The following STYX variants were observed in gnomAD, a reference collection of about 807,000 sequenced individuals.
STYX encodes the protein serine/threonine/tyrosine interacting protein.
STYX carries 20 observed loss-of-function variants against 42.7 expected under a neutral mutation model. The observed-to-expected ratio is 0.47, with a 90% CI of 0.33 to 0.68. The LOEUF is 0.68. STYX is among the 30% of genes least tolerant of loss of function. The pLI is 0.02. For synonymous variants in STYX, 78 were observed against 81.9 expected, an observed-to-expected ratio of 0.95 and a Z score of 0.26; for missense variants, 226 against 268.5, an observed-to-expected ratio of 0.84 and a Z score of 1.11.
chr14:52,751,254 A>G (rs915889005), intron 4 of STYX, among the ~76,000 whole-genome samples: 1 of 152,092 alleles, frequency 6.6e-6, no homozygotes, highest in East Asian at 1.9e-4. Flanking sequence ...TTATATCGGT[A>G]TGTATATCAA....
Position 52,771,870 on chromosome 14 carries a change from G to A in STYX, c.*764G>A, listed in dbSNP as rs768422792. The A allele has an allele frequency of 2.6e-5, 4 of 152,510 alleles. No homozygotes were observed. The highest frequency in any genetic ancestry group is 4.8e-5 in the African/African-American group (2 of 41,456). 9.4% of individuals were successfully genotyped at this position (152,510 alleles called of 1,614,324 possible). ...CCAAGTGCTTAAACACAAGGATAGT[G>A]TTAGATTTTCGAGTGACTTTCCTTT... On this transcript the variant is annotated 3_prime_UTR_variant, in exon 11 of 11. Coordinates refer to ENST00000354586, the MANE Select transcript of STYX (RefSeq NM_145251.4).
intron 1 of STYX, among the ~76,000 whole-genome samples, chr14:52,734,779 C>T (rs1266675223): frequency 6.6e-6 from 1 of 152,032 alleles, no homozygotes; most frequent in East Asian, 1.9e-4. Context: ...TAATTAAATC[C>T]GGCCGGGCGT....
At chr14:52,748,990 A>C (rs1303238337) in intron 3 of STYX, among the ~76,000 whole-genome samples, 1 of 152,258 alleles carries the variant, frequency 6.6e-6, no homozygotes, top group Non-Finnish European at 1.5e-5. Context: ...AGAAATTAAC[A>C]CTTAAAACTT....
At chr14:52,756,335 T>C (rs1881865578) in intron 4 of STYX, among the ~76,000 whole-genome samples, 1 of 152,184 alleles carries the variant, frequency 6.6e-6, no homozygotes, top group Admixed American at 6.5e-5. Context: ...CCTGATGGAT[T>C]TTTTAAATAC....
At chr14:52,768,372 G>A (rs1882389650) in intron 9 of STYX, among the ~76,000 whole-genome samples, 1 of 152,090 alleles carries the variant, frequency 6.6e-6, no homozygotes, top group Non-Finnish European at 1.5e-5. Flanking sequence ...GACGTAGCTG[G>A]TAATCAATTC....
At chr14:52,746,587 G>T in intron 3 of STYX, 108 bp downstream of exon 3, 1 of 891,410 alleles carries the variant, frequency 1.1e-6, no homozygotes. Flanking sequence ...CACAAATACT[G>T]TCTGTTAACA....
chr14:52,752,879 G>GTTTTTTTT (rs1219804083), intron 4 of STYX, among the ~76,000 whole-genome samples: 1 of 116,718 alleles, frequency 8.6e-6, no homozygotes. Flanking sequence ...TTTTGTTGTT[G>GTTTTTTTT]TTGTTTTTTT....
At chr14:52,753,478 G>A (rs905308890) in intron 4 of STYX, among the ~76,000 whole-genome samples, 3 of 152,106 alleles carry the variant, frequency 2.0e-5, no homozygotes, top group Admixed American at 6.5e-5. Flanking sequence ...AAGCCACTAC[G>A]CTCAGCCGAG....
rs1381225458 is a variant in STYX, at chr14:52,759,657, A to G, written c.432-25A>G. Reference sequence around the variant, plus strand: ...TTAATTCATTAAATAATGCTATCACATTAACACTCTTTTTCTGTTTTCAGA... The same window carrying G: ...TTAATTCATTAAATAATGCTATCACGTTAACACTCTTTTTCTGTTTTCAGA... On this transcript the variant is annotated intron_variant, in intron 8 of 10. Transcript: ENST00000354586. 1.3e-5 allele frequency: 19 copies of G among 1,496,168 alleles called. No individual in the cohort carries two copies. In the Admixed American group the frequency reaches 3.2e-4, roughly 25 times the overall value. 92.7% of individuals were successfully genotyped at this position (1,496,168 alleles called of 1,614,324 possible). A position where few individuals can be genotyped will look rare whatever the true frequency, so the allele number is the denominator to read the frequency against.
chr14:52,766,000 TTA>T (rs1882289394), intron 9 of STYX, among the ~76,000 whole-genome samples: 1 of 152,030 alleles, frequency 6.6e-6, no homozygotes, highest in Non-Finnish European at 1.5e-5. Context: ...TCCTGGTTTT[TTA>T]TGTTTTTGTT....
rs1023115867 is a variant in STYX, at chr14:52,751,892, G to A, written c.242+1112G>A. ...GTTAAAAATATTTTAGGCCAGCACG[G>A]TGGCTCACGCCTGTAATCCCAGCAT... On this transcript the variant is annotated intron_variant, in intron 4 of 10. Transcript: ENST00000354586. 2.6e-5 allele frequency among the ~76,000 whole-genome samples: 4 copies of A among 152,310 alleles called. No homozygotes were observed. In the East Asian group the frequency reaches 7.7e-4, roughly 29 times the overall value.
At chr14:52,769,788 A>G (rs575666814) in intron 10 of STYX, among the ~76,000 whole-genome samples, 8 of 152,056 alleles carry the variant, frequency 5.3e-5, no homozygotes, top group African/African-American at 1.9e-4. Flanking sequence ...CCTCCTTTCC[A>G]AACTCTTGTT....
At chr14:52,753,485 C>T (rs539848117) in intron 4 of STYX, among the ~76,000 whole-genome samples, 5 of 152,222 alleles carry the variant, frequency 3.3e-5, no homozygotes, top group Admixed American at 2.6e-4. Flanking sequence ...TACGCTCAGC[C>T]GAGGGACATA....
intron 9 of STYX, among the ~76,000 whole-genome samples, chr14:52,760,234 G>C (rs372917925): frequency 6.6e-6 from 1 of 151,980 alleles, no homozygotes; most frequent in African/African-American, 2.4e-5. Context: ...TTTCTTAAAG[G>C]CTGGCATTAC....
At chr14:52,746,722 C>G (rs1881410441) in intron 3 of STYX, among the ~76,000 whole-genome samples, 1 of 152,134 alleles carries the variant, frequency 6.6e-6, no homozygotes, top group Non-Finnish European at 1.5e-5. Context: ...GAAAGATTTA[C>G]CAAATAACTG....
intron 1 of STYX, among the ~76,000 whole-genome samples, chr14:52,742,797 ATT>A (rs752559919): frequency 6.5e-5 from 9 of 138,298 alleles, no homozygotes; most frequent in Admixed American, 1.5e-4. Flanking sequence ...GAATCTTTTG[ATT>A]TTTTTTTTTT....
Position 52,772,070 on chromosome 14 carries a change from T to A in STYX, c.*964T>A, listed in dbSNP as rs898781431. The A allele has an allele frequency of 6.6e-6, 1 of 152,500 alleles. No individual in the cohort carries two copies. The highest frequency in any genetic ancestry group is 2.4e-5 in the African/African-American group (1 of 41,454). 9.4% of individuals were successfully genotyped at this position (152,500 alleles called of 1,614,324 possible). ...AGTGCCTTGCATCATTTAAAAAAAA[T>A]AATTAAATCCTCATGGCCTCTAAAT... is the stretch of plus-strand genomic sequence containing the variant. On this transcript the variant is annotated 3_prime_UTR_variant, in exon 11 of 11. Transcript: ENST00000354586.
In STYX at chr14:52,750,773, T is replaced by C. The variant is rs749127054; in HGVS notation, c.235T>C (p.Leu79=). 6.4e-7 allele frequency: 1 copy of C among 1,561,230 alleles called. No homozygotes were observed. Among genetic ancestry groups the C allele is most frequent in the Non-Finnish European group, 8.7e-7 (1 of 1,147,066 alleles). Residue 79 remains leucine, a synonymous_variant, in exon 4 of 11, where the codon TTA becomes CTA. Coordinates refer to ENST00000354586, the MANE Select transcript of STYX (RefSeq NM_145251.4). ...ANFIKPNFQQ[L]FRYLVLDIAD... ...CTTTATTAAACCAAACTTTCAGCAG[T>C]TATTTAGGTAAGAATTATTGCTATG...
chr14:52,736,109 C>A (rs979358765), intron 1 of STYX, among the ~76,000 whole-genome samples: 1 of 152,150 alleles, frequency 6.6e-6, no homozygotes, highest in Non-Finnish European at 1.5e-5. Context: ...TTAATTTCCA[C>A]CCCCCGCCTT....
Sources: allele counts gnomAD v4.1 joint callset (sites outside exome capture counted in the v4.1 genomes callset), GRCh38; gene constraint gnomAD v4.1.1; transcripts MANE v1.5; gene names NCBI Gene and HGNC (gene_info 2026-07-23, HGNC 2026-07-21).